Variants in FSTL1 observed in about 807,000 individuals in gnomAD.
FSTL1 encodes the protein follistatin like 1.
In FSTL1, 24 loss-of-function variants were observed where a neutral mutation model predicts 45.9. The ratio of observed to expected loss-of-function variants is 0.52; its 90% CI spans 0.38 to 0.74. The LOEUF is 0.74. Ranked by LOEUF, FSTL1 falls within the 30% of genes least tolerant of loss-of-function variation. The pLI is 0.00. For missense variants in FSTL1, 340 were observed against 381.8 expected (o/e 0.89, Z 0.91); for synonymous variants, 120 against 137.6 (o/e 0.87, Z 0.89).
intron 2 of FSTL1, among the ~76,000 whole-genome samples, chr3:120,425,470 G>A (rs1937360673): frequency 6.6e-6 from 1 of 152,116 alleles, no homozygotes; most frequent in Non-Finnish European, 1.5e-5. Flanking sequence ...ATTAATGCAG[G>A]AGGACTGAAA....
chr3:120,450,839 C>G, intron 1 of FSTL1, 58 bp downstream of exon 1: 1 of 872,210 alleles, frequency 1.1e-6, no homozygotes, highest in Middle Eastern at 2.3e-4. Flanking sequence ...CTCCGGCCGC[C>G]CAAGCACCCC....
rs1937885584 is a variant in FSTL1, at chr3:120,450,916, C to T, written c.-20G>A. 2 of 499,360 alleles carry T rather than the reference C, an allele frequency of 4.0e-6. No individual in the cohort carries two copies. The highest frequency in any genetic ancestry group is 7.0e-6 in the Non-Finnish European group (2 of 285,038). 30.9% of individuals were successfully genotyped at this position (499,360 alleles called of 1,614,324 possible). On this transcript the variant is annotated 5_prime_UTR_variant, in exon 1 of 11. Transcript: ENST00000295633. ...GCTCACCGTGGTCTGGTCCAGGTCT[C>T]CTGGGGGCGCGGGGCAGGACGGCGG...
chr3:120,432,063 G>A (rs570133390), intron 2 of FSTL1, among the ~76,000 whole-genome samples: 1 of 152,278 alleles, frequency 6.6e-6, no homozygotes, highest in South Asian at 2.1e-4. Flanking sequence ...GGCTAATTAA[G>A]CTGTACATAT....
chr3:120,418,230 G>C (rs1409985357), intron 2 of FSTL1, among the ~76,000 whole-genome samples: 1 of 152,120 alleles, frequency 6.6e-6, no homozygotes, highest in Non-Finnish European at 1.5e-5. Context: ...GTCTTATAGG[G>C]AAACCCTGCA....
chr3:120,422,276 T>C (rs1305029021), intron 2 of FSTL1, among the ~76,000 whole-genome samples: 3 of 152,222 alleles, frequency 2.0e-5, no homozygotes, highest in Non-Finnish European at 4.4e-5. Context: ...GCGATGATAG[T>C]TAATAATACT....
intron 2 of FSTL1, among the ~76,000 whole-genome samples, chr3:120,420,554 T>A (rs1213088212): frequency 6.6e-6 from 1 of 152,216 alleles, no homozygotes; most frequent in African/African-American, 2.4e-5. Flanking sequence ...TCTCATTAAT[T>A]TTCACATTGC....
At position 120,394,515 on chromosome 3, in the gene FSTL1, T is replaced by G. The variant is rs1362887747; in HGVS notation, c.*2437A>C. 1 of 152,202 alleles carries G rather than the reference T, an allele frequency of 6.6e-6. No homozygotes were observed. The highest frequency in any genetic ancestry group is 2.4e-5 in the African/African-American group (1 of 41,440). 9.4% of individuals were successfully genotyped at this position (152,202 alleles called of 1,614,324 possible). ...TGTTAGCAGGCAGAGGAACCCTGCTTTCCAAAAACTGATATAGTCCAGAGT... is the reference window on the plus strand; with the variant it reads ...TGTTAGCAGGCAGAGGAACCCTGCTGTCCAAAAACTGATATAGTCCAGAGT... On this transcript the variant is annotated 3_prime_UTR_variant, in exon 11 of 11. Transcript: ENST00000295633.
chr3:120,403,961 CA>C (rs57786208), intron 7 of FSTL1, among the ~76,000 whole-genome samples: 4,898 of 75,208 alleles, frequency 0.065, 187 homozygotes, highest in South Asian at 0.092. Context: ...CAAAACAAAA[CA>C]AAAACAAAAA....
rs1383900611 is a variant in FSTL1, at chr3:120,393,241, T to C, written c.*3711A>G. The C allele has an allele frequency of 3.3e-5, 5 of 152,186 alleles. No individual in the cohort carries two copies. The East Asian group carries it at 9.6e-4, about 29-fold the overall frequency. The allele number at this position is 152,186 out of a possible 1,614,324, so 9.4% of individuals were successfully genotyped here. A position where few individuals can be genotyped will look rare whatever the true frequency, so the allele number is the denominator to read the frequency against. ...CATTTGGGTAATATCCCAAATCCAA[T>C]CAAAGTGATCCAGCTATAATTTTAG... On this transcript the variant is annotated 3_prime_UTR_variant, in exon 11 of 11. Coordinates refer to ENST00000295633, the MANE Select transcript of FSTL1 (RefSeq NM_007085.5).
intron 3 of FSTL1, among the ~76,000 whole-genome samples, chr3:120,414,517 A>G (rs1245973589): frequency 7.3e-5 from 11 of 150,556 alleles, no homozygotes; most frequent in African/African-American, 1.2e-4. Context: ...AGAACGGGCC[A>G]GGATGACAAT....
chr3:120,448,692 T>G (rs1172052787), intron 2 of FSTL1, among the ~76,000 whole-genome samples: 3 of 152,240 alleles, frequency 2.0e-5, no homozygotes, highest in Non-Finnish European at 4.4e-5. Flanking sequence ...CCTTCTTCCC[T>G]GTAGTTTGCC....
At position 120,450,956 on chromosome 3, in the gene FSTL1, C is replaced by A. The variant is rs1272199768; in HGVS notation, c.-60G>T. On this transcript the variant is annotated 5_prime_UTR_variant, in exon 1 of 11. Coordinates refer to ENST00000295633, the MANE Select transcript of FSTL1 (RefSeq NM_007085.5). ...CAGGACGGCGGCAGCGAGCTGTAAGCGGAGGTGGGAGCTCCGCCGATCGCC... is the reference window on the plus strand; with the variant it reads ...CAGGACGGCGGCAGCGAGCTGTAAGAGGAGGTGGGAGCTCCGCCGATCGCC... The A allele has an allele frequency of 2.1e-6, 1 of 468,396 alleles. No homozygotes were observed. The highest frequency in any genetic ancestry group is 3.8e-6 in the Non-Finnish European group (1 of 265,762). 29.0% of individuals were successfully genotyped at this position (468,396 alleles called of 1,614,324 possible).
chr3:120,413,991 C>G (rs1462558733), intron 3 of FSTL1, among the ~76,000 whole-genome samples: 2 of 151,954 alleles, frequency 1.3e-5, no homozygotes, highest in African/African-American at 2.4e-5. Flanking sequence ...CTGTGTTGGC[C>G]AGGCCGGTCT....
intron 2 of FSTL1, among the ~76,000 whole-genome samples, chr3:120,444,337 T>C (rs1239182407): frequency 6.7e-6 from 1 of 149,852 alleles, no homozygotes; most frequent in East Asian, 1.9e-4. Flanking sequence ...TAGACTCTGA[T>C]TGCTAGTGGC....
At chr3:120,397,120 G>A in intron 10 of FSTL1, 124 bp from the exon 11 acceptor site, 2 of 811,992 alleles carry the variant, frequency 2.5e-6, no homozygotes, top group South Asian at 2.9e-5. Flanking sequence ...TTGTTTACTT[G>A]TCGGGCTCCT....
intron 6 of FSTL1, among the ~76,000 whole-genome samples, chr3:120,405,617 C>T (rs1936932076): frequency 6.6e-6 from 1 of 152,252 alleles, no homozygotes; most frequent in Non-Finnish European, 1.5e-5. Context: ...TCCCGCTCCT[C>T]TGCCCTGTGG....
At chr3:120,400,739 A>G (rs1936805010) in intron 9 of FSTL1, among the ~76,000 whole-genome samples, 2 of 152,232 alleles carry the variant, frequency 1.3e-5, no homozygotes, top group South Asian at 2.1e-4. Context: ...TTGATTTGTG[A>G]TCTAAGATCA....
intron 3 of FSTL1, among the ~76,000 whole-genome samples, chr3:120,412,805 AAC>A (rs1158502140): frequency 8.4e-5 from 12 of 143,198 alleles, no homozygotes; most frequent in Non-Finnish European, 1.7e-4. Flanking sequence ...CAGGCAGGCA[AAC>A]ACACACACAT....
At chr3:120,413,409 T>A (rs956613745) in intron 3 of FSTL1, among the ~76,000 whole-genome samples, 1 of 152,142 alleles carries the variant, frequency 6.6e-6, no homozygotes, top group Non-Finnish European at 1.5e-5. Flanking sequence ...CACCCACATC[T>A]AGTTGTACAA....
Sources: allele counts gnomAD v4.1 joint callset (sites outside exome capture counted in the v4.1 genomes callset), GRCh38; gene constraint gnomAD v4.1.1; transcripts MANE v1.5; gene names NCBI Gene and HGNC (gene_info 2026-07-23, HGNC 2026-07-21).